The following LRGUK variants were observed in gnomAD, a reference collection of about 807,000 sequenced individuals.
LRGUK encodes the protein leucine-rich repeat and guanylate kinase domain-containing protein.
LRGUK carries 65 observed loss-of-function variants against 76.0 expected under a neutral mutation model. The observed-to-expected ratio is 0.85, with a 90% CI of 0.70 to 1.05. LRGUK has a LOEUF of 1.05. Ranked by LOEUF, LRGUK falls within the 50% of genes least tolerant of loss-of-function variation. The probability of loss-of-function intolerance (pLI) is 0.00; values close to 1 mark genes in which losing one functional copy is unlikely to be tolerated. For synonymous variants in LRGUK, 268 were observed against 265.6 expected, an observed-to-expected ratio of 1.01 and a Z score of -0.09; for missense variants, 758 against 732.8, an observed-to-expected ratio of 1.03 and a Z score of -0.40.
chr7:134,233,322 C>T (rs1269781688), intron 16 of LRGUK, among the ~76,000 whole-genome samples: 1 of 152,180 alleles, frequency 6.6e-6, no homozygotes, highest in African/African-American at 2.4e-5. Flanking sequence ...CCTTTACCTC[C>T]ATCATATCTG....
At chr7:134,158,310 C>A (rs1007503625) in intron 6 of LRGUK, 151 bp downstream of exon 6, 27 of 630,628 alleles carry the variant, frequency 4.3e-5, no homozygotes, top group Admixed American at 2.1e-4. Context: ...CCTTTCTTTA[C>A]CATTTGTGTG....
downstream of LRGUK, among the ~76,000 whole-genome samples, chr7:134,268,389 TAAA>T (rs59736392): frequency 1.3e-5 from 2 of 152,096 alleles, no homozygotes; most frequent in Non-Finnish European, 1.5e-5. Flanking sequence ...ACTCTTTTCT[TAAA>T]AAACACAAAC....
At chr7:134,186,274 T>A (rs990582506) in intron 11 of LRGUK, among the ~76,000 whole-genome samples, 4 of 152,194 alleles carry the variant, frequency 2.6e-5, no homozygotes, top group Non-Finnish European at 5.9e-5. Flanking sequence ...GCCCTTACAT[T>A]CTTATCTGGT....
In LRGUK at chr7:134,178,934, A is replaced by AAAAAAAAAAAAAAC. The variant is rs1554464239; in HGVS notation, c.1214+338_1214+339insCAAAAAAAAAAAAA. 5.1e-5 allele frequency among the ~76,000 whole-genome samples: 4 copies of AAAAAAAAAAAAAAC among 78,164 alleles called. 1 individual carries two copies. The highest frequency in any genetic ancestry group is 1.1e-4 in the African/African-American group (2 of 18,738). 51.3% of individuals were successfully genotyped at this position (78,164 alleles called of 152,430 possible). ...ACACAACAGTGAAATCTCAAAAAAA[A>AAAAAAAAAAAAAAC]AAAAAAAAAAAAAACCAGGACCAAT... On this transcript the variant is annotated intron_variant, in intron 10 of 15. Coordinates refer to ENST00000645682, the Ensembl canonical transcript of LRGUK.
rs1272602186 is a variant in LRGUK, at chr7:134,188,435, G to A, written c.1335-3220G>A. ...TGATCACATTTGCATTTTAGAAAGCGTATCCTGTTGGCAATTTGGGAAAGG... is the reference window on the plus strand; with the variant it reads ...TGATCACATTTGCATTTTAGAAAGCATATCCTGTTGGCAATTTGGGAAAGG... On this transcript the variant is annotated intron_variant, in intron 11 of 15. Coordinates refer to ENST00000645682, the Ensembl canonical transcript of LRGUK. 3.3e-5 allele frequency among the ~76,000 whole-genome samples: 5 copies of A among 152,222 alleles called. No homozygotes were observed. The South Asian group carries it at 8.3e-4, about 25-fold the overall frequency.
chr7:134,265,285 G>A (rs1256300788), downstream of LRGUK, among the ~76,000 whole-genome samples: 1 of 152,118 alleles, frequency 6.6e-6, no homozygotes, highest in East Asian at 1.9e-4. Flanking sequence ...CAGCATGGAG[G>A]AGCTGCACAT....
chr7:134,245,894 T>G (rs1441442840), intron 16 of LRGUK, among the ~76,000 whole-genome samples: 1 of 152,240 alleles, frequency 6.6e-6, no homozygotes, highest in Admixed American at 6.5e-5. Context: ...TGGAATTATT[T>G]AAACCTGTAG....
downstream of LRGUK, among the ~76,000 whole-genome samples, chr7:134,213,777 CAG>C (rs1362377593): frequency 1.3e-5 from 2 of 152,244 alleles, no homozygotes; most frequent in East Asian, 1.9e-4. Flanking sequence ...AGAGTATCAA[CAG>C]GAGATTTTTA....
chr7:134,222,658 G>C (rs1016751262), intron 16 of LRGUK, among the ~76,000 whole-genome samples: 3 of 151,794 alleles, frequency 2.0e-5, no homozygotes, highest in Non-Finnish European at 4.4e-5. Flanking sequence ...TGCCAGGCTG[G>C]AGTGCAATGG....
chr7:134,248,362 A>G lies in LRGUK; in HGVS notation c.2073-589A>G, dbSNP rs184765566. On this transcript the variant is annotated intron_variant, in intron 17 of 19. Transcript: ENST00000285928. ...TTGAATTTGCCTGCATTTATATGCA[A>G]CTGGGCTGCCTTGCACATAGCAACT... Among the ~76,000 whole-genome samples, 11 of 152,352 alleles carry G rather than the reference A, an allele frequency of 7.2e-5. No individual in the cohort carries two copies. In the East Asian group the frequency reaches 1.9e-3, roughly 27 times the overall value.
chr7:134,178,470 T>A (rs1254079985), intron 9 of LRGUK, 33 bp from the exon 10 acceptor site: 4 of 1,538,186 alleles, frequency 2.6e-6, no homozygotes, highest in Non-Finnish European at 2.7e-6. Flanking sequence ...AACAAAACTT[T>A]TTTTCCCTTT....
Position 134,178,523 on chromosome 7 carries a change from TG to T in LRGUK, c.1129del (p.Asp377IlefsTer13). 6.2e-7 allele frequency: 1 copy of T among 1,612,262 alleles called. No individual in the cohort carries two copies. The highest frequency in any genetic ancestry group is 8.5e-7 in the Non-Finnish European group (1 of 1,179,252). ...AAAAGGTTTCAGCAGTGAATAAATA[TG>T]ATCCTCCCCCTGAAGTGGTTGCAGC... On this transcript the variant is annotated frameshift_variant, in exon 10 of 16. Transcript: ENST00000645682. LOFTEE classifies it high-confidence loss of function.
chr7:134,144,313 A>AT (rs959646735), intron 4 of LRGUK, among the ~76,000 whole-genome samples: 14 of 152,030 alleles, frequency 9.2e-5, no homozygotes, highest in African/African-American at 2.9e-4. Flanking sequence ...CTTTTTTGGT[A>AT]TTTTTTGTAG....
At chr7:134,189,841 T>G (rs966946059) in intron 11 of LRGUK, among the ~76,000 whole-genome samples, 5 of 152,216 alleles carry the variant, frequency 3.3e-5, no homozygotes, top group Non-Finnish European at 5.9e-5. Flanking sequence ...TCTCTTAGAA[T>G]GTACTCTCTT....
intron 11 of LRGUK, among the ~76,000 whole-genome samples, chr7:134,190,085 G>A (rs192936163): frequency 7.2e-5 from 11 of 152,158 alleles, no homozygotes; most frequent in East Asian, 3.9e-4. Flanking sequence ...TTACTTAATC[G>A]CTGTGCCTCC....
In LRGUK at chr7:134,199,451, T is replaced by C. The variant is rs761021571; in HGVS notation, c.1747+30T>C. 10 of 1,574,848 alleles carry C rather than the reference T, an allele frequency of 6.3e-6. No homozygotes were observed. The East Asian group carries it at 9.0e-5, about 14-fold the overall frequency. Reference sequence around the variant, plus strand: ...GTAATTTTCAGCAAAGTTTTGTTTTTGAAATGTAAGATTACTGAATTAAAA... The same window carrying C: ...GTAATTTTCAGCAAAGTTTTGTTTTCGAAATGTAAGATTACTGAATTAAAA... On this transcript the variant is annotated intron_variant, in intron 14 of 15. Transcript: ENST00000645682.
downstream of LRGUK, among the ~76,000 whole-genome samples, chr7:134,213,918 C>T (rs1207845215): frequency 2.6e-5 from 4 of 152,200 alleles, no homozygotes; most frequent in African/African-American, 9.7e-5. Flanking sequence ...ATATGTTGCT[C>T]AGCAAGGTGA....
Position 134,261,417 on chromosome 7 carries a change from A to G in LRGUK, c.2348-2428A>G, listed in dbSNP as rs187603114. Among the ~76,000 whole-genome samples, 19 of 152,100 alleles carry G rather than the reference A, an allele frequency of 1.2e-4. No individual in the cohort carries two copies. In the East Asian group the frequency reaches 3.7e-3, roughly 29 times the overall value. ...ATCTGATTAATCTCCCATATTCTCT[A>G]TTCTCCCATATTCCCTATTAATCTC... is the stretch of plus-strand genomic sequence containing the variant. On this transcript the variant is annotated intron_variant, in intron 19 of 19. Transcript: ENST00000285928.
chr7:134,249,672 AG>A (rs1433811432), intron 18 of LRGUK, among the ~76,000 whole-genome samples: 1 of 152,208 alleles, frequency 6.6e-6, no homozygotes, highest in Non-Finnish European at 1.5e-5. Context: ...AGGCCATTTC[AG>A]GGTCTCAGTG....
Sources: allele counts gnomAD v4.1 joint callset (sites outside exome capture counted in the v4.1 genomes callset), GRCh38; gene constraint gnomAD v4.1.1; transcripts MANE v1.5; gene names NCBI Gene and HGNC (gene_info 2026-07-23, HGNC 2026-07-21).